CRACD: variants seen among roughly 807,000 people sequenced by gnomAD.
The protein encoded by CRACD is capping protein inhibiting regulator of actin dynamics.
Under a neutral mutation model 106.8 loss-of-function variants are expected in CRACD, and 56 were observed. The observed-to-expected ratio is 0.52, with a 90% CI of 0.42 to 0.66. The LOEUF is 0.66. Among genes scored for constraint, CRACD ranks in the 30% least tolerant of loss-of-function variants. CRACD has a pLI of 0.00. For synonymous variants in CRACD, 754 were observed against 670.8 expected (o/e 1.12, Z -1.92); for missense variants, 1,730 against 1,623.2 (o/e 1.07, Z -1.13).
rs11931864 is a variant in CRACD, at chr4:56,246,925, T to C, written c.-188-25396T>C. Among the ~76,000 whole-genome samples the C allele has an allele frequency of 2.2e-3, 333 of 152,330 alleles. 1 individual carries two copies. Among genetic ancestry groups the C allele is most frequent in the African/African-American group, 7.6e-3 (315 of 41,570 alleles). On this transcript the variant is annotated intron_variant, in intron 2 of 10. Transcript: ENST00000682029. ...ACTGGTATTAGTGCTAGTACTGGTA[T>C]GGCTAGTGCTAAGAATCAGTACTTG...
chr4:56,161,482 C>A (rs1167928814), intron 1 of CRACD, among the ~76,000 whole-genome samples: 1 of 151,924 alleles, frequency 6.6e-6, no homozygotes, highest in Non-Finnish European at 1.5e-5. Context: ...GATGGAGTCT[C>A]ACTATGTCAC....
At chr4:56,194,364 A>G (rs533476396) in intron 2 of CRACD, among the ~76,000 whole-genome samples, 1 of 152,352 alleles carries the variant, frequency 6.6e-6, no homozygotes, top group South Asian at 2.1e-4. Context: ...ACATGGAGCA[A>G]TTAAGCCAAG....
intron 4 of CRACD, among the ~76,000 whole-genome samples, chr4:56,303,348 GAAAA>G (rs767375663): frequency 3.1e-4 from 42 of 134,194 alleles, no homozygotes; most frequent in Admixed American, 2.0e-3. Flanking sequence ...TCCTTTGTAG[GAAAA>G]AAAAAAAAAA....
chr4:56,247,010 C>T (rs1274230306), intron 2 of CRACD, among the ~76,000 whole-genome samples: 3 of 152,202 alleles, frequency 2.0e-5, no homozygotes, highest in African/African-American at 7.2e-5. Flanking sequence ...AGTTGGCCCT[C>T]TGTAAGTCAT....
intron 2 of CRACD, among the ~76,000 whole-genome samples, chr4:56,231,165 G>A (rs1179732936): frequency 6.6e-6 from 1 of 152,090 alleles, no homozygotes; most frequent in African/African-American, 2.4e-5. Flanking sequence ...TGTACATCAT[G>A]ATATTTTAAC....
chr4:56,272,900 A>G (rs1209219212), intron 3 of CRACD, among the ~76,000 whole-genome samples: 4 of 147,958 alleles, frequency 2.7e-5, no homozygotes, highest in Non-Finnish European at 6.0e-5. Context: ...CTCTGCCTCA[A>G]AAAAAAAAAA....
chr4:56,054,492 C>T (rs1390367047), intron 1 of CRACD, among the ~76,000 whole-genome samples: 1 of 152,124 alleles, frequency 6.6e-6, no homozygotes, highest in Non-Finnish European at 1.5e-5. Flanking sequence ...CCTTTTTATC[C>T]TGATGTGAAA....
Position 56,188,686 on chromosome 4 carries a change from T to TCACACA in CRACD, c.-189+9277_-189+9282dup, listed in dbSNP as rs375013824. On this transcript the variant is annotated intron_variant, in intron 2 of 10. Coordinates refer to ENST00000682029, the MANE Select transcript of CRACD (RefSeq NM_001393381.1). ...CTCTCTCTCTCTCTCTCTCTCTCTCTCACACACACACACACACACACACAC... is the reference window on the plus strand; with the variant it reads ...CTCTCTCTCTCTCTCTCTCTCTCTCTCACACACACACACACACACACACACACACAC... 5.4e-4 allele frequency among the ~76,000 whole-genome samples: 50 copies of TCACACA among 92,186 alleles called. 1 individual carries two copies. The highest frequency in any genetic ancestry group is 2.2e-3 in the African/African-American group (45 of 20,458). The allele number at this position is 92,186 out of a possible 152,430, so 60.5% of individuals were successfully genotyped here. A position where few individuals can be genotyped will look rare whatever the true frequency, so the allele number is the denominator to read the frequency against.
chr4:56,085,524 A>G (rs577515615), intron 1 of CRACD, among the ~76,000 whole-genome samples: 1 of 152,226 alleles, frequency 6.6e-6, no homozygotes, highest in Non-Finnish European at 1.5e-5. Context: ...CAGAGTCTTC[A>G]TCTGTCTTAG....
At chr4:56,109,993 C>G (rs140904396) in intron 1 of CRACD, among the ~76,000 whole-genome samples, 1 of 152,042 alleles carries the variant, frequency 6.6e-6, no homozygotes, top group African/African-American at 2.4e-5. Context: ...CCATTGAACG[C>G]TCAGCATAAT....
chr4:56,298,241 G>A lies in CRACD; in HGVS notation c.12G>A (p.Arg4=). Residue 4 remains arginine, a synonymous_variant, in exon 4 of 11, where the codon CGG becomes CGA. Coordinates refer to ENST00000682029, the MANE Select transcript of CRACD (RefSeq NM_001393381.1). Reference sequence around the variant, plus strand: ...CCTTCAACTATTCTATGGGAACCCGGGCATTTTCCCATGACAGTATTTTTA... The same window carrying A: ...CCTTCAACTATTCTATGGGAACCCGAGCATTTTCCCATGACAGTATTTTTA... MGT[R]AFSHDSIFIP... is the part of the protein sequence containing the mutation. The A allele has an allele frequency of 6.2e-7, 1 of 1,614,062 alleles. No individual in the cohort carries two copies.
intron 2 of CRACD, among the ~76,000 whole-genome samples, chr4:56,243,283 A>G (rs1475113454): frequency 6.6e-6 from 1 of 152,236 alleles, no homozygotes; most frequent in Admixed American, 6.5e-5. Flanking sequence ...AGCCTCAAAC[A>G]TAGATCAAGA....
chr4:56,075,035 C>T (rs1292489146), intron 1 of CRACD, among the ~76,000 whole-genome samples: 1 of 152,166 alleles, frequency 6.6e-6, no homozygotes, highest in Non-Finnish European at 1.5e-5. Context: ...AGGGATGAAG[C>T]CGACTTGATC....
chr4:56,117,017 A>ATT (rs751420774), intron 1 of CRACD, among the ~76,000 whole-genome samples: 1,057 of 96,234 alleles, frequency 0.011, 15 homozygotes, highest in East Asian at 0.063. Flanking sequence ...CGAATTTTTA[A>ATT]TTTTTTTTTT....
chr4:56,207,004 G>T (rs955735892), intron 2 of CRACD, among the ~76,000 whole-genome samples: 1 of 152,190 alleles, frequency 6.6e-6, no homozygotes, highest in South Asian at 2.1e-4. Flanking sequence ...TGACTGTCTG[G>T]AGGATAATAC....
chr4:56,163,110 G>T (rs999963374), intron 1 of CRACD, among the ~76,000 whole-genome samples: 1 of 152,160 alleles, frequency 6.6e-6, no homozygotes, highest in Non-Finnish European at 1.5e-5. Context: ...GCTATTCTGA[G>T]ACCTCTTTCA....
Position 56,316,344 on chromosome 4 carries a change from CACG to C in CRACD, c.2845_2847del (p.Asp949del), listed in dbSNP as rs1745649317. ...CAGCAGCCAGACCCCGGCTCCGGAG[CACG>C]ACAAGGCAGCAAACAAAATGCCACT... On this transcript the variant is annotated inframe_deletion, in exon 8 of 11. Transcript: ENST00000682029. The C allele has an allele frequency of 1.2e-6, 2 of 1,614,068 alleles. No individual in the cohort carries two copies. The highest frequency in any genetic ancestry group is 2.2e-5 in the East Asian group (1 of 44,874).
At chr4:56,213,988 G>C (rs562032658) in intron 2 of CRACD, among the ~76,000 whole-genome samples, 6 of 152,098 alleles carry the variant, frequency 3.9e-5, no homozygotes, top group Admixed American at 2.6e-4. Context: ...GGGTAGAAAG[G>C]GTGAGAAACA....
At chr4:56,309,083 C>T (rs1019141335) in intron 5 of CRACD, 1 of 449,914 alleles carries the variant, frequency 2.2e-6, no homozygotes, top group Admixed American at 2.5e-5. Flanking sequence ...GCTGGCTGCA[C>T]AGAAAATAAA....
Sources: gnomAD v4.1 joint callset for allele counts (sites outside exome capture counted in the v4.1 genomes callset) on GRCh38, gnomAD v4.1.1 for gene constraint, MANE v1.5 for transcripts, NCBI Gene and HGNC (gene_info 2026-07-23, HGNC 2026-07-21) for gene names.